OR2L13: variants seen among roughly 807,000 people sequenced by gnomAD.
OR2L13 encodes olfactory receptor 2L13.
Under a neutral mutation model 15.3 loss-of-function variants are expected in OR2L13, and 14 were observed. The observed-to-expected ratio is 0.91, with a 90% CI of 0.60 to 1.43. The LOEUF (loss-of-function observed/expected upper bound fraction) is 1.43, where lower values mean the gene tolerates loss of function less well. Ranked by LOEUF, OR2L13 falls within the 40% of genes most tolerant of loss-of-function variation. The pLI is 0.00. For synonymous variants in OR2L13, 152 were observed against 142.9 expected, an observed-to-expected ratio of 1.06 and a Z score of -0.45; for missense variants, 367 against 387.9, an observed-to-expected ratio of 0.95 and a Z score of 0.45.
At chr1:248,004,447 A>G in the OR2L13 span, among the ~76,000 whole-genome samples, 13 of 152,354 alleles carry the variant, frequency 8.5e-5, no homozygotes, top group East Asian at 1.9e-3. Context: ...TTATGTCTAA[A>G]ACAAAAAAAT....
chr1:247,984,229 C>CATT, the OR2L13 span, among the ~76,000 whole-genome samples: 10,870 of 148,442 alleles, frequency 0.073, 471 homozygotes, highest in East Asian at 0.16. Context: ...GAAAATAAGT[C>CATT]ATTATTATTA....
At chr1:247,966,619 C>T in the OR2L13 span, among the ~76,000 whole-genome samples, 1 of 152,118 alleles carries the variant, frequency 6.6e-6, no homozygotes, top group Admixed American at 6.5e-5. Context: ...GAGAAAAATG[C>T]ATAATTCATT....
chr1:247,999,708 G>A, the OR2L13 span, among the ~76,000 whole-genome samples: 1 of 152,116 alleles, frequency 6.6e-6, no homozygotes, highest in Non-Finnish European at 1.5e-5. Flanking sequence ...ACACTCTTCT[G>A]TGTCATCTGA....
chr1:247,985,914 A>G, the OR2L13 span, among the ~76,000 whole-genome samples: 3 of 152,192 alleles, frequency 2.0e-5, no homozygotes, highest in Non-Finnish European at 2.9e-5. Flanking sequence ...TCTTCTTTTG[A>G]GAAGTGTCTG....
the OR2L13 span, among the ~76,000 whole-genome samples, chr1:247,963,137 A>T: frequency 2.6e-5 from 4 of 152,194 alleles, no homozygotes; most frequent in Non-Finnish European, 5.9e-5. Flanking sequence ...GTGCCTACTC[A>T]TAGGCAGAGT....
the OR2L13 span, among the ~76,000 whole-genome samples, chr1:248,071,909 C>A: frequency 4.6e-5 from 7 of 151,510 alleles, no homozygotes; most frequent in African/African-American, 1.7e-4. Flanking sequence ...ACCTAGGAAT[C>A]CAGCTTACAA....
the OR2L13 span, among the ~76,000 whole-genome samples, chr1:248,030,839 A>T: frequency 6.6e-6 from 1 of 152,116 alleles, no homozygotes; most frequent in East Asian, 1.9e-4. Context: ...GTGTGTGGAG[A>T]TAGTCAATAA....
the OR2L13 span, among the ~76,000 whole-genome samples, chr1:247,945,017 T>C: frequency 7.2e-5 from 11 of 152,266 alleles, no homozygotes; most frequent in Admixed American, 1.3e-4. Context: ...TCAGTTTCTC[T>C]CTGATCTTGG....
At chr1:247,939,098 G>A in the OR2L13 span, 1 of 152,198 alleles carries the variant, frequency 6.6e-6, no homozygotes. Context: ...GAGAGTTTAA[G>A]AGGCTATTAG....
the OR2L13 span, among the ~76,000 whole-genome samples, chr1:247,944,260 T>G: frequency 4.6e-5 from 7 of 151,968 alleles, no homozygotes; most frequent in East Asian, 1.3e-3. Flanking sequence ...CATTGAATCT[T>G]TTTTTTTGCT....
the OR2L13 span, among the ~76,000 whole-genome samples, chr1:248,042,663 A>G: frequency 6.6e-6 from 1 of 152,192 alleles, no homozygotes; most frequent in Non-Finnish European, 1.5e-5. Flanking sequence ...TGATGAGACA[A>G]TCTAGCAACT....
the OR2L13 span, chr1:248,063,130 G>A: frequency 6.6e-6 from 1 of 152,128 alleles, no homozygotes; most frequent in Admixed American, 6.6e-5. Context: ...CTATTTATGT[G>A]CAGAATGTCA....
chr1:247,958,187 A>C, the OR2L13 span, among the ~76,000 whole-genome samples: 1 of 151,852 alleles, frequency 6.6e-6, no homozygotes, highest in African/African-American at 2.4e-5. Context: ...TCCTGCCTTC[A>C]TTTCGTTATG....
the OR2L13 span, among the ~76,000 whole-genome samples, chr1:248,025,906 A>G: frequency 2.7e-5 from 4 of 148,900 alleles, no homozygotes; most frequent in African/African-American, 7.7e-5. Flanking sequence ...CAATGAGAAC[A>G]CATGGACATA....
the OR2L13 span, among the ~76,000 whole-genome samples, chr1:248,082,498 TA>T: frequency 6.7e-3 from 1,007 of 150,140 alleles, 21 homozygotes; most frequent in African/African-American, 0.023. Flanking sequence ...TAAAGTATAA[TA>T]AAAAAAAAGA....
upstream of OR2L13, among the ~76,000 whole-genome samples, chr1:248,090,981 C>G (rs1429972109): frequency 6.6e-6 from 1 of 152,096 alleles, no homozygotes; most frequent in Non-Finnish European, 1.5e-5. Context: ...CCCATTCTGA[C>G]TGGTTATGAG....
chr1:248,076,853 G>T, the OR2L13 span, among the ~76,000 whole-genome samples: 1 of 151,984 alleles, frequency 6.6e-6, no homozygotes, highest in African/African-American at 2.4e-5. Context: ...TTGCCTAATT[G>T]CCCTGGCCAG....
chr1:248,050,240 T>A, the OR2L13 span, among the ~76,000 whole-genome samples: 1 of 151,966 alleles, frequency 6.6e-6, no homozygotes, highest in Non-Finnish European at 1.5e-5. Flanking sequence ...TTAATGCTTA[T>A]GCCTGCATAC....
the OR2L13 span, among the ~76,000 whole-genome samples, chr1:247,995,445 A>G: frequency 6.6e-6 from 1 of 152,204 alleles, no homozygotes; most frequent in Non-Finnish European, 1.5e-5. Context: ...TCATAGCTCA[A>G]AGCATGCTTA....
Sources: allele counts gnomAD v4.1 joint callset (sites outside exome capture counted in the v4.1 genomes callset), GRCh38; gene constraint gnomAD v4.1.1; transcripts MANE v1.5; gene names NCBI Gene and HGNC (gene_info 2026-07-23, HGNC 2026-07-21).